The following RTN4RL1 variants were observed in gnomAD, a reference collection of about 807,000 sequenced individuals.
The protein encoded by RTN4RL1 is reticulon 4 receptor like 1.
In RTN4RL1, 7 loss-of-function variants were observed where a neutral mutation model predicts 25.6. The ratio of observed to expected loss-of-function variants is 0.27; its 90% CI spans 0.16 to 0.51. The LOEUF (loss-of-function observed/expected upper bound fraction) is 0.51. RTN4RL1 is among the 20% of genes least tolerant of loss of function. RTN4RL1 has a pLI of 0.97. For synonymous variants in RTN4RL1, 297 were observed against 288.2 expected (o/e 1.03, Z -0.31); for missense variants, 500 against 615.6 (o/e 0.81, Z 1.99).
intron 1 of RTN4RL1, among the ~76,000 whole-genome samples, chr17:1,938,311 A>AT (rs528072344): frequency 8.7e-5 from 13 of 150,064 alleles, no homozygotes; most frequent in East Asian, 2.0e-4. Flanking sequence ...ATTGAATTTA[A>AT]TTTTTTTTTT....
intron 1 of RTN4RL1, among the ~76,000 whole-genome samples, chr17:2,007,717 G>A (rs558902895): frequency 1.3e-5 from 2 of 152,238 alleles, no homozygotes; most frequent in South Asian, 2.1e-4. Context: ...AGGCCAAGGC[G>A]GTCAGACCAT....
chr17:1,964,567 C>A (rs2066780331), intron 1 of RTN4RL1, among the ~76,000 whole-genome samples: 1 of 151,882 alleles, frequency 6.6e-6, no homozygotes, highest in African/African-American at 2.4e-5. Context: ...CCCGTCTCTA[C>A]TAAAAATACA....
chr17:2,006,643 C>T (rs1211173962), intron 1 of RTN4RL1, among the ~76,000 whole-genome samples: 1 of 140,168 alleles, frequency 7.1e-6, no homozygotes, highest in African/African-American at 2.6e-5. Context: ...TGTTTTGAGA[C>T]AGTCTCTCGC....
chr17:1,957,110 A>G (rs1915809454), intron 1 of RTN4RL1, among the ~76,000 whole-genome samples: 1 of 152,014 alleles, frequency 6.6e-6, no homozygotes, highest in African/African-American at 2.4e-5. Flanking sequence ...AATTAAAACT[A>G]AATAACGTTG....
chr17:1,982,232 C>A (rs1350040807), intron 1 of RTN4RL1, among the ~76,000 whole-genome samples: 2 of 152,110 alleles, frequency 1.3e-5, no homozygotes, highest in Non-Finnish European at 2.9e-5. Context: ...ACCCAGGAGG[C>A]GGAGGTTGCA....
chr17:1,962,383 G>A (rs1352960273), intron 1 of RTN4RL1, among the ~76,000 whole-genome samples: 1 of 151,696 alleles, frequency 6.6e-6, no homozygotes, highest in Non-Finnish European at 1.5e-5. Context: ...TTTGAGATGG[G>A]GTCTCACTCT....
intron 1 of RTN4RL1, among the ~76,000 whole-genome samples, chr17:1,975,197 C>T (rs776435623): frequency 2.6e-5 from 4 of 152,206 alleles, no homozygotes; most frequent in South Asian, 2.1e-4. Flanking sequence ...AGCTGTTCTA[C>T]GATTAACCTA....
intron 1 of RTN4RL1, among the ~76,000 whole-genome samples, chr17:1,961,526 A>G (rs1053413204): frequency 2.6e-5 from 4 of 151,928 alleles, no homozygotes; most frequent in African/African-American, 9.7e-5. Flanking sequence ...TTGATACAAC[A>G]CGTAAGGGAC....
chr17:2,016,123 G>A (rs900336068), intron 1 of RTN4RL1, among the ~76,000 whole-genome samples: 9 of 152,210 alleles, frequency 5.9e-5, no homozygotes, highest in Non-Finnish European at 1.2e-4. Context: ...GCTCATGCCT[G>A]TAATCCCAGC....
chr17:1,972,847 A>G (rs2066826466), intron 1 of RTN4RL1, among the ~76,000 whole-genome samples: 1 of 152,094 alleles, frequency 6.6e-6, no homozygotes, highest in Admixed American at 6.6e-5. Flanking sequence ...AAACCCAAAG[A>G]CTAAATGAAC....
At chr17:1,974,299 G>A (rs935998474) in intron 1 of RTN4RL1, among the ~76,000 whole-genome samples, 11 of 152,038 alleles carry the variant, frequency 7.2e-5, no homozygotes, top group Non-Finnish European at 1.6e-4. Context: ...GCAGAGATGA[G>A]AGGATGGCTT....
In RTN4RL1 at chr17:1,955,489, A is replaced by T. The variant is rs190639326; in HGVS notation, c.14-17681T>A. The stretch of plus-strand genomic sequence containing the variant: ...GAGGATCACTTGAGCCCGGGAGGTC[A>T]AGGCTGCTGTTAACCATGATCATGC... On this transcript the variant is annotated intron_variant, in intron 1 of 1. Coordinates refer to ENST00000331238, the MANE Select transcript of RTN4RL1 (RefSeq NM_178568.4). Among the ~76,000 whole-genome samples the T allele has an allele frequency of 2.6e-5, 4 of 151,752 alleles. No homozygotes were observed. In the South Asian group the frequency reaches 8.4e-4, roughly 32 times the overall value.
chr17:1,975,840 T>A (rs1057228093), intron 1 of RTN4RL1, among the ~76,000 whole-genome samples: 5 of 152,062 alleles, frequency 3.3e-5, no homozygotes, highest in African/African-American at 1.2e-4. Flanking sequence ...ACCTCACGGG[T>A]GTGCGAAATT....
intron 1 of RTN4RL1, among the ~76,000 whole-genome samples, chr17:1,999,174 G>A (rs1050047665): frequency 1.4e-5 from 2 of 147,422 alleles, no homozygotes; most frequent in African/African-American, 5.1e-5. Context: ...CCGGCCGGGC[G>A]CGGTGGCTCA....
Position 1,937,249 on chromosome 17 carries a change from G to A in RTN4RL1, c.573C>T (p.Gly191=), listed in dbSNP as rs746729714. The A allele has an allele frequency of 3.1e-6, 5 of 1,612,246 alleles. No homozygotes were observed. In the East Asian group the frequency reaches 6.7e-5, roughly 22 times the overall value. The part of the protein sequence containing the change: ...HGNKLWSLGP[G]TFRGLVNLDR... ...CCAGGTTCACCAGGCCCCGGAAGGT[G>A]CCCGGGCCCAGACTCCACAGCTTGT... The change falls in exon 2 of 2, where the codon GGC becomes GGT. Residue 191 remains glycine (G), a synonymous_variant. Coordinates refer to ENST00000331238, the MANE Select transcript of RTN4RL1 (RefSeq NM_178568.4).
At chr17:2,020,076 G>A (rs969185752) in intron 1 of RTN4RL1, 4 of 152,144 alleles carry the variant, frequency 2.6e-5, no homozygotes, top group East Asian at 1.9e-4. Context: ...TTTGAGGAGC[G>A]CAGCAGCCCA....
intron 1 of RTN4RL1, among the ~76,000 whole-genome samples, chr17:1,978,585 GTGACCTTT>G (rs1313691128): frequency 2.0e-5 from 3 of 148,468 alleles, no homozygotes; most frequent in Non-Finnish European, 4.5e-5. Context: ...CGGTGACTGT[GTGACCTTT>G]AGCCAGTCTT....
At chr17:1,940,788 C>T (rs376172947) in intron 1 of RTN4RL1, among the ~76,000 whole-genome samples, 1 of 152,156 alleles carries the variant, frequency 6.6e-6, no homozygotes, top group African/African-American at 2.4e-5. Context: ...CTGTAGGAAG[C>T]TTCCTCCCCC....
chr17:1,962,943 ATT>A (rs71150839), intron 1 of RTN4RL1, among the ~76,000 whole-genome samples: 1 of 146,756 alleles, frequency 6.8e-6, no homozygotes, highest in African/African-American at 2.5e-5. Flanking sequence ...ACTCTATTTT[ATT>A]TTTTTTTTAA....
Sources: gnomAD v4.1 joint callset for allele counts (sites outside exome capture counted in the v4.1 genomes callset) on GRCh38, gnomAD v4.1.1 for gene constraint, MANE v1.5 for transcripts, NCBI Gene and HGNC (gene_info 2026-07-23, HGNC 2026-07-21) for gene names.